The following UBE2R2 variants were observed in gnomAD, a reference collection of about 807,000 sequenced individuals.
The protein encoded by UBE2R2 is ubiquitin conjugating enzyme E2 R2.
A neutral mutation model predicts 27.8 loss-of-function variants in UBE2R2; 1 was observed. The observed-to-expected ratio is 0.04, with a 90% confidence interval of 0.01 to 0.17. The LOEUF is 0.17. UBE2R2 is among the 10% of genes least tolerant of loss of function. The pLI, the probability that UBE2R2 is intolerant of heterozygous loss-of-function variation, is 1.00. For missense variants in UBE2R2, 100 were observed against 291.0 expected (o/e 0.34, Z 4.78); for synonymous variants, 106 against 113.3 (o/e 0.94, Z 0.41).
At chr9:33,902,202 A>C (rs1415114598) in intron 3 of UBE2R2, among the ~76,000 whole-genome samples, 3 of 151,866 alleles carry the variant, frequency 2.0e-5, no homozygotes, top group Admixed American at 6.6e-5. Flanking sequence ...GTGTGCCCCA[A>C]AGCACCTGGA....
intron 1 of UBE2R2, among the ~76,000 whole-genome samples, chr9:33,873,985 T>A (rs1272996570): frequency 1.3e-5 from 2 of 150,554 alleles, no homozygotes; most frequent in Non-Finnish European, 3.0e-5. Flanking sequence ...TTTCGTTCTG[T>A]CACCCAGGCT....
intron 1 of UBE2R2, among the ~76,000 whole-genome samples, chr9:33,884,119 A>G (rs1025201772): frequency 6.7e-6 from 1 of 148,588 alleles, no homozygotes; most frequent in Non-Finnish European, 1.5e-5. Context: ...AACCCAGTGT[A>G]CTCTGTCTAG....
At position 33,906,701 on chromosome 9, in the gene UBE2R2, T is replaced by G. The variant is rs547448793; in HGVS notation, c.363-5263T>G. The stretch of plus-strand genomic sequence containing the variant: ...ATGTTGAAAATGGGCAAATGGAGTA[T>G]TACGCATTGGGTCATACAATCCTAA... On this transcript the variant is annotated intron_variant, in intron 3 of 4. Coordinates refer to ENST00000263228, the MANE Select transcript of UBE2R2 (RefSeq NM_017811.4). Among the ~76,000 whole-genome samples the G allele has an allele frequency of 3.9e-5, 6 of 152,276 alleles. No individual in the cohort carries two copies. The East Asian group carries it at 1.2e-3, about 29-fold the overall frequency.
chr9:33,831,351 A>G (rs34022278), intron 1 of UBE2R2, among the ~76,000 whole-genome samples: 1 of 152,192 alleles, frequency 6.6e-6, no homozygotes, highest in South Asian at 2.1e-4. Flanking sequence ...TACCTGATAT[A>G]TGCAATAAGG....
intron 1 of UBE2R2, among the ~76,000 whole-genome samples, chr9:33,818,396 G>T (rs1825879512): frequency 6.7e-6 from 1 of 149,718 alleles, no homozygotes. Flanking sequence ...GGGTGGGGGA[G>T]GGGCACCAGC....
chr9:33,850,685 C>CT (rs11448040), intron 1 of UBE2R2, among the ~76,000 whole-genome samples: 61,814 of 151,934 alleles, frequency 0.41, 12,925 homozygotes, highest in African/African-American at 0.49. Context: ...TGTTTTGTTC[C>CT]TTTTTTACAT....
At chr9:33,879,178 G>A (rs1205387282) in intron 1 of UBE2R2, among the ~76,000 whole-genome samples, 1 of 152,154 alleles carries the variant, frequency 6.6e-6, no homozygotes, top group Non-Finnish European at 1.5e-5. Flanking sequence ...GGCTGGCAGT[G>A]ATCCATATTT....
At chr9:33,829,890 G>A (rs1384557663) in intron 1 of UBE2R2, among the ~76,000 whole-genome samples, 1 of 150,958 alleles carries the variant, frequency 6.6e-6, no homozygotes, top group Non-Finnish European at 1.5e-5. Flanking sequence ...CCGCCTCCTG[G>A]GTTTTCAAGT....
intron 3 of UBE2R2, among the ~76,000 whole-genome samples, chr9:33,903,399 A>C (rs1027341656): frequency 1.5e-4 from 23 of 152,116 alleles, no homozygotes; most frequent in Non-Finnish European, 3.2e-4. Context: ...TGAACGTTGA[A>C]TCAAATGCTT....
At chr9:33,881,361 G>T (rs1301439091) in intron 1 of UBE2R2, among the ~76,000 whole-genome samples, 1 of 152,102 alleles carries the variant, frequency 6.6e-6, no homozygotes, top group Non-Finnish European at 1.5e-5. Flanking sequence ...ATAGTTCAGT[G>T]GTTTTTAGTA....
In UBE2R2 at chr9:33,832,861, G is replaced by A. The variant is rs190176973; in HGVS notation, c.177+14927G>A. ...TTAGTTACATAGTTCTATGAATTTT[G>A]ATAAATGTATAGTCACATTCAGTTT... On this transcript the variant is annotated intron_variant, in intron 1 of 4. Transcript: ENST00000263228. Among the ~76,000 whole-genome samples the A allele has an allele frequency of 8.7e-4, 133 of 152,020 alleles. 1 individual carries two copies. The highest frequency in any genetic ancestry group is 6.4e-3 in the Admixed American group (97 of 15,256).
rs766779268 is a variant in UBE2R2, at chr9:33,859,799, T to TGTGTGAGA, written c.178-27081_178-27080insTGTGAGAG. 4.2e-3 allele frequency among the ~76,000 whole-genome samples: 361 copies of TGTGTGAGA among 86,562 alleles called. 3 individuals carry two copies. Among genetic ancestry groups the TGTGTGAGA allele is most frequent in the African/African-American group, 8.7e-3 (190 of 21,756 alleles). The allele number at this position is 86,562 out of a possible 152,430, so 56.8% of individuals were successfully genotyped here. On this transcript the variant is annotated intron_variant, in intron 1 of 4. Coordinates refer to ENST00000263228, the MANE Select transcript of UBE2R2 (RefSeq NM_017811.4). ...GTGTGTGTGTGTGTGTGTGTGTGTG[T>TGTGTGAGA]GAGAGAGAGAGAGAGAGAGAGAGAC...
chr9:33,889,205 C>G (rs974180178), intron 2 of UBE2R2, among the ~76,000 whole-genome samples: 3 of 152,140 alleles, frequency 2.0e-5, no homozygotes, highest in African/African-American at 4.8e-5. Flanking sequence ...TTTGCTTAGA[C>G]TGGATAATAT....
chr9:33,857,524 C>T (rs1355941145), intron 1 of UBE2R2, among the ~76,000 whole-genome samples: 1 of 151,892 alleles, frequency 6.6e-6, no homozygotes, highest in South Asian at 2.1e-4. Context: ...CCATGTTGGC[C>T]AGGCTGGTCT....
At chr9:33,847,612 T>G (rs773937965) in intron 1 of UBE2R2, among the ~76,000 whole-genome samples, 77 of 152,024 alleles carry the variant, frequency 5.1e-4, no homozygotes, top group Non-Finnish European at 2.1e-4. Flanking sequence ...TTTCAAATAT[T>G]GCTGCTTCAT....
At chr9:33,896,593 G>T (rs546468170) in intron 2 of UBE2R2, among the ~76,000 whole-genome samples, 1 of 147,964 alleles carries the variant, frequency 6.8e-6, no homozygotes, top group South Asian at 2.2e-4. Flanking sequence ...CCGGCGCTGT[G>T]TCATGACTGG....
chr9:33,900,054 A>G, intron 2 of UBE2R2, 120 bp from the exon 3 acceptor site: 1 of 640,364 alleles, frequency 1.6e-6, no homozygotes, highest in Non-Finnish European at 2.7e-6. Flanking sequence ...TAAAAAGCAG[A>G]ATTGTTTTCT....
chr9:33,896,915 TGA>T (rs2130805884), intron 2 of UBE2R2, among the ~76,000 whole-genome samples: 1 of 151,270 alleles, frequency 6.6e-6, no homozygotes, highest in East Asian at 1.9e-4. Context: ...GCAAATCTGT[TGA>T]GTTCATTCCA....
intron 1 of UBE2R2, among the ~76,000 whole-genome samples, chr9:33,847,387 G>T (rs1245872360): frequency 6.6e-6 from 1 of 152,062 alleles, no homozygotes; most frequent in East Asian, 1.9e-4. Context: ...GTGCCACTGC[G>T]CCCGGCCCTG....
Sources: gnomAD v4.1 joint callset for allele counts (sites outside exome capture counted in the v4.1 genomes callset) on GRCh38, gnomAD v4.1.1 for gene constraint, MANE v1.5 for transcripts, NCBI Gene and HGNC (gene_info 2026-07-23, HGNC 2026-07-21) for gene names.